CSMD1: variants seen among roughly 807,000 people sequenced by gnomAD.
The protein encoded by CSMD1 is CUB and sushi domain-containing protein 1.
A neutral mutation model predicts 417.5 loss-of-function variants in CSMD1; 213 were observed. The ratio of observed to expected loss-of-function variants is 0.51; its 90% CI spans 0.46 to 0.57. The LOEUF (loss-of-function observed/expected upper bound fraction) is 0.57. CSMD1 is among the 20% of genes least tolerant of loss of function. The pLI is 0.00. For synonymous variants in CSMD1, 2,862 were observed against 1,736.8 expected, an observed-to-expected ratio of 1.65 and a Z score of -16.11; for missense variants, 6,923 against 4,529.7, an observed-to-expected ratio of 1.53 and a Z score of -15.17.
intron 7 of CSMD1, among the ~76,000 whole-genome samples, chr8:3,705,655 T>G (rs1054671243): frequency 6.6e-6 from 1 of 152,246 alleles, no homozygotes; most frequent in Admixed American, 6.5e-5. Context: ...GACCCTGAGC[T>G]AGACATTTTC....
At chr8:3,708,359 T>A (rs958853744) in intron 7 of CSMD1, 55 bp downstream of exon 7, 4 of 1,473,480 alleles carry the variant, frequency 2.7e-6, no homozygotes, top group Non-Finnish European at 1.9e-6. Flanking sequence ...TGCTCCATTC[T>A]CTCCTCTGCT....
chr8:4,506,142 A>C (rs997739758), intron 2 of CSMD1, among the ~76,000 whole-genome samples: 2 of 152,222 alleles, frequency 1.3e-5, no homozygotes, highest in Non-Finnish European at 2.9e-5. Flanking sequence ...TTACTGCTGT[A>C]TTAGATTGGT....
intron 7 of CSMD1, among the ~76,000 whole-genome samples, chr8:3,640,795 C>G (rs188688378): frequency 3.1e-4 from 47 of 152,186 alleles, no homozygotes; most frequent in African/African-American, 1.1e-3. Flanking sequence ...AAGAGACGGC[C>G]TCACAGAGGG....
At chr8:4,183,603 C>G (rs940803779) in intron 3 of CSMD1, among the ~76,000 whole-genome samples, 8 of 152,106 alleles carry the variant, frequency 5.3e-5, no homozygotes, top group Non-Finnish European at 1.0e-4. Flanking sequence ...TAATTTTGAA[C>G]TTTTTTAAAA....
At chr8:4,758,722 G>T (rs746364031) in intron 1 of CSMD1, among the ~76,000 whole-genome samples, 6 of 151,792 alleles carry the variant, frequency 4.0e-5, no homozygotes, top group Non-Finnish European at 8.8e-5. Flanking sequence ...AGAGTAAAAA[G>T]CCCAGGGGAA....
rs1334297856 is a variant in CSMD1 at position 3,110,338 on chromosome 8, G to A, written c.6431-3C>T. The stretch of plus-strand genomic sequence containing the variant: ...AGTTACGTTGTACCCACAAGGGGCT[G>A]CAAAGGAAACCAAGAAAAAACAAGC... On this transcript the variant is annotated splice_polypyrimidine_tract_variant and splice_region_variant and intron_variant, in intron 42 of 69. Transcript: ENST00000635120. 6.3e-7 allele frequency: 1 copy of A among 1,592,038 alleles called. No homozygotes were observed. Among genetic ancestry groups the A allele is most frequent in the South Asian group, 1.1e-5 (1 of 87,174 alleles).
intron 5 of CSMD1, among the ~76,000 whole-genome samples, chr8:3,941,041 A>G (rs572916918): frequency 4.0e-4 from 61 of 152,164 alleles, no homozygotes; most frequent in Non-Finnish European, 6.9e-4. Flanking sequence ...ATAATTCAAT[A>G]CATTCATATA....
chr8:4,318,066 G>T (rs115986585), intron 3 of CSMD1, among the ~76,000 whole-genome samples: 3 of 152,080 alleles, frequency 2.0e-5, no homozygotes, highest in East Asian at 1.9e-4. Context: ...TTTTTCTCAC[G>T]TAAGTGTGAC....
In CSMD1 at chr8:4,073,951, T is replaced by C. The variant is rs570186159; in HGVS notation, c.416-41852A>G. 1.1e-4 allele frequency among the ~76,000 whole-genome samples: 17 copies of C among 152,262 alleles called. 1 individual carries two copies. In the South Asian group the frequency reaches 2.7e-3, roughly 24 times the overall value. On this transcript the variant is annotated intron_variant, in intron 3 of 69. Coordinates refer to ENST00000635120, the MANE Select transcript of CSMD1 (RefSeq NM_033225.6). ...GACGGTTTTTGACGGTTGCTTCTTT[T>C]GATAAATCACTATAATAAAATCTTT...
intron 3 of CSMD1, among the ~76,000 whole-genome samples, chr8:4,347,884 A>G (rs904777730): frequency 6.6e-6 from 1 of 152,050 alleles, no homozygotes; most frequent in Non-Finnish European, 1.5e-5. Flanking sequence ...AAGTTAATCC[A>G]TGATAAGAAA....
chr8:3,984,753 T>TA (rs1563284959), intron 5 of CSMD1, among the ~76,000 whole-genome samples: 26 of 58,430 alleles, frequency 4.4e-4, no homozygotes, highest in Non-Finnish European at 5.6e-4. Context: ...ATATATATAT[T>TA]TGTATGTATT....
chr8:4,215,775 C>G (rs539083482), intron 3 of CSMD1, among the ~76,000 whole-genome samples: 1 of 151,974 alleles, frequency 6.6e-6, no homozygotes, highest in South Asian at 2.1e-4. Flanking sequence ...ACATTGTTTT[C>G]TTGGTGGAAT....
chr8:4,912,592 T>C (rs1220890450), intron 1 of CSMD1, among the ~76,000 whole-genome samples: 2 of 152,322 alleles, frequency 1.3e-5, no homozygotes, highest in East Asian at 3.9e-4. Flanking sequence ...CTCAAAAGCC[T>C]GCCTTCCTAT....
intron 2 of CSMD1, among the ~76,000 whole-genome samples, chr8:4,588,529 A>G (rs1252325697): frequency 6.6e-6 from 1 of 151,776 alleles, no homozygotes; most frequent in Admixed American, 6.6e-5. Context: ...GCATGGTGGC[A>G]CATGCCTGTA....
At chr8:3,759,580 T>C (rs1048468780) in intron 5 of CSMD1, among the ~76,000 whole-genome samples, 42 of 151,666 alleles carry the variant, frequency 2.8e-4, no homozygotes, top group African/African-American at 6.5e-4. Context: ...AGAGACAAGA[T>C]TCAAAGTAGA....
chr8:3,062,021 A>T (rs1020215442), intron 49 of CSMD1, among the ~76,000 whole-genome samples: 3 of 152,094 alleles, frequency 2.0e-5, no homozygotes, highest in Non-Finnish European at 2.9e-5. Flanking sequence ...CCATATGTAT[A>T]TTTACTGTTA....
intron 13 of CSMD1, among the ~76,000 whole-genome samples, chr8:3,408,428 G>T (rs983912987): frequency 4.0e-5 from 6 of 151,448 alleles, no homozygotes; most frequent in African/African-American, 1.5e-4. Context: ...ATCATATAGA[G>T]CACAACCAGA....
intron 25 of CSMD1, chr8:3,284,781 A>G (rs1470587744): frequency 6.0e-6 from 1 of 166,148 alleles, no homozygotes; most frequent in East Asian, 1.7e-4. Flanking sequence ...CAGCAGCCAC[A>G]GCAGGAGAAA....
At chr8:4,475,494 GT>G (rs1800750935) in intron 2 of CSMD1, among the ~76,000 whole-genome samples, 1 of 152,070 alleles carries the variant, frequency 6.6e-6, no homozygotes. Flanking sequence ...CCAGAATTGT[GT>G]TTTTTAGAGA....
Sources: gnomAD v4.1 joint callset for allele counts (sites outside exome capture counted in the v4.1 genomes callset) on GRCh38, gnomAD v4.1.1 for gene constraint, MANE v1.5 for transcripts, NCBI Gene and HGNC (gene_info 2026-07-23, HGNC 2026-07-21) for gene names.